CRACD: variants seen among roughly 807,000 people sequenced by gnomAD.
CRACD encodes the protein capping protein inhibiting regulator of actin dynamics.
CRACD carries 56 observed loss-of-function variants against 106.8 expected under a neutral mutation model. That is an observed-to-expected ratio of 0.52 (90% CI 0.42 to 0.66). The LOEUF (loss-of-function observed/expected upper bound fraction) is 0.66, where lower values mean the gene tolerates loss of function less well. CRACD is among the 30% of genes least tolerant of loss of function. The pLI, the probability that CRACD is intolerant of heterozygous loss-of-function variation, is 0.00. For synonymous variants in CRACD, 754 were observed against 670.8 expected (o/e 1.12, Z -1.92); for missense variants, 1,730 against 1,623.2 (o/e 1.07, Z -1.13).
intron 1 of CRACD, among the ~76,000 whole-genome samples, chr4:56,127,174 C>G (rs1734686639): frequency 6.6e-6 from 1 of 152,186 alleles, no homozygotes; most frequent in South Asian, 2.1e-4. Context: ...TTTCTCCCCT[C>G]TGGAGGACAC....
intron 2 of CRACD, among the ~76,000 whole-genome samples, chr4:56,213,714 C>G (rs1738524473): frequency 6.6e-6 from 1 of 152,150 alleles, no homozygotes. Context: ...TTGGCATTTG[C>G]CTTATTTGAA....
At chr4:56,248,826 T>C (rs1477313776) in intron 2 of CRACD, among the ~76,000 whole-genome samples, 23 of 143,354 alleles carry the variant, frequency 1.6e-4, no homozygotes, top group South Asian at 2.3e-4. Flanking sequence ...ATATGCGGTG[T>C]TTGGTTTTTT....
chr4:56,257,711 TAGATCTTCC>T (rs1741452086), intron 2 of CRACD, among the ~76,000 whole-genome samples: 1 of 152,044 alleles, frequency 6.6e-6, no homozygotes, highest in African/African-American at 2.4e-5. Context: ...GGCAACATAG[TAGATCTTCC>T]AGGTCTTTTT....
chr4:56,264,885 C>T lies in CRACD; in HGVS notation c.-188-7436C>T, dbSNP rs187082673. On this transcript the variant is annotated intron_variant, in intron 2 of 10. Transcript: ENST00000682029. ...CATGGCTTCAGCAGGTCCCTCTGTT[C>T]GGGGTCCCTGACTTCCCGCAACAAA... Among the ~76,000 whole-genome samples, 8 of 152,308 alleles carry T rather than the reference C, an allele frequency of 5.3e-5. No homozygotes were observed. In the East Asian group the frequency reaches 1.2e-3, roughly 22 times the overall value.
At chr4:56,066,706 G>T (rs1322243043) in intron 1 of CRACD, among the ~76,000 whole-genome samples, 1 of 152,138 alleles carries the variant, frequency 6.6e-6, no homozygotes, top group Admixed American at 6.5e-5. Context: ...CTATATGTCT[G>T]CCTAGAACCC....
At chr4:56,206,215 A>G (rs1000706273) in intron 2 of CRACD, among the ~76,000 whole-genome samples, 3 of 152,238 alleles carry the variant, frequency 2.0e-5, no homozygotes, top group Admixed American at 6.5e-5. Flanking sequence ...TAACAGTAGC[A>G]TAAATAACAT....
chr4:56,216,459 G>A (rs975054715), intron 2 of CRACD, among the ~76,000 whole-genome samples: 14 of 152,130 alleles, frequency 9.2e-5, no homozygotes, highest in African/African-American at 2.4e-5. Context: ...AGATACAGCT[G>A]TTCCAATCTC....
intron 2 of CRACD, among the ~76,000 whole-genome samples, chr4:56,234,531 G>A (rs1042754569): frequency 6.6e-6 from 1 of 152,128 alleles, no homozygotes; most frequent in Non-Finnish European, 1.5e-5. Flanking sequence ...AGATAACACT[G>A]CTGTGAACAT....
intron 1 of CRACD, among the ~76,000 whole-genome samples, chr4:56,173,170 C>T (rs992315111): frequency 6.6e-6 from 1 of 152,186 alleles, no homozygotes; most frequent in Non-Finnish European, 1.5e-5. Flanking sequence ...ACATCCTGTA[C>T]ACAACTGTAG....
In CRACD at chr4:56,315,365, C is replaced by A. The variant is rs1319950850; in HGVS notation, c.1863C>A (p.Leu621=). 1 of 1,613,614 alleles carries A rather than the reference C, an allele frequency of 6.2e-7. No homozygotes were observed. The highest frequency in any genetic ancestry group is 8.5e-7 in the Non-Finnish European group (1 of 1,179,904). ...SQIKDTACKS[L]LGLEEKKHAE... is the part of the protein sequence containing the mutation. Reference sequence around the variant, plus strand: ...TCAAGGACACCGCGTGCAAGTCCCTCCTGGGCTTGGAGGAGAAGAAGCACG... The same window carrying A: ...TCAAGGACACCGCGTGCAAGTCCCTACTGGGCTTGGAGGAGAAGAAGCACG... Residue 621 remains leucine (L), a synonymous_variant, in exon 8 of 11, where the codon CTC becomes CTA. Coordinates refer to ENST00000682029, the MANE Select transcript of CRACD (RefSeq NM_001393381.1). The surrounding 1 kb of genome is among the most constrained non-coding windows in gnomAD (Gnocchi z 4.1).
At chr4:56,227,911 G>A (rs59804447) in intron 2 of CRACD, among the ~76,000 whole-genome samples, 36,561 of 152,020 alleles carry the variant, frequency 0.24, 4,451 homozygotes, top group Non-Finnish European at 0.27. Flanking sequence ...CCCTCTCCCT[G>A]CCTCTTAGGA....
chr4:56,276,400 A>C (rs895587542), intron 3 of CRACD, among the ~76,000 whole-genome samples: 1 of 152,196 alleles, frequency 6.6e-6, no homozygotes, highest in Admixed American at 6.5e-5. Flanking sequence ...AGAAGGATGT[A>C]GTATGCAGTA....
At position 56,152,742 on chromosome 4, in the gene CRACD, G is replaced by T. The variant is rs1311835853; in HGVS notation, c.-335-26542G>T. On this transcript the variant is annotated intron_variant, in intron 1 of 10. Coordinates refer to ENST00000682029, the MANE Select transcript of CRACD (RefSeq NM_001393381.1). ...GTGAAGTATTTTTGGCCAGTGAGAG[G>T]CACTTCAAGCTGGCTCTGTCTTTTT... 2.0e-5 allele frequency among the ~76,000 whole-genome samples: 3 copies of T among 151,750 alleles called. No individual in the cohort carries two copies. In the East Asian group the frequency reaches 5.9e-4, roughly 30 times the overall value.
intron 1 of CRACD, among the ~76,000 whole-genome samples, chr4:56,117,998 A>T (rs1437280161): frequency 6.6e-6 from 1 of 152,052 alleles, no homozygotes; most frequent in East Asian, 1.9e-4. Context: ...ACCTCAGGTG[A>T]TCCACCCGCC....
intron 3 of CRACD, chr4:56,288,592 C>G (rs903086439): frequency 2.6e-5 from 4 of 153,256 alleles, no homozygotes; most frequent in African/African-American, 9.6e-5. Context: ...TGCTCCTACT[C>G]TTCCTCTTCC....
chr4:56,055,655 T>C (rs957265968), intron 1 of CRACD, among the ~76,000 whole-genome samples: 2 of 152,198 alleles, frequency 1.3e-5, no homozygotes, highest in Non-Finnish European at 2.9e-5. Context: ...TCCACCAGAG[T>C]GTCACTGTGA....
chr4:56,157,314 A>G (rs1735795511), intron 1 of CRACD, among the ~76,000 whole-genome samples: 1 of 152,234 alleles, frequency 6.6e-6, no homozygotes. Flanking sequence ...CAAAAAATTT[A>G]AAACTAAAAA....
chr4:56,127,904 T>C (rs1026826496), intron 1 of CRACD, among the ~76,000 whole-genome samples: 3 of 152,328 alleles, frequency 2.0e-5, no homozygotes, highest in Non-Finnish European at 2.9e-5. Flanking sequence ...GCAGCACATA[T>C]GGAAGCTGTC....
At chr4:56,238,164 C>T (rs1039958919) in intron 2 of CRACD, among the ~76,000 whole-genome samples, 10 of 152,168 alleles carry the variant, frequency 6.6e-5, no homozygotes, top group African/African-American at 2.2e-4. Flanking sequence ...TCAGTCAACA[C>T]GACTTATGTC....
Sources: gnomAD v4.1 joint callset for allele counts (sites outside exome capture counted in the v4.1 genomes callset) on GRCh38, gnomAD v4.1.1 for gene constraint, Gnocchi (gnomAD v3.1) non-coding constraint, MANE v1.5 for transcripts, NCBI Gene and HGNC (gene_info 2026-07-23, HGNC 2026-07-21) for gene names.